The following INTU variants were observed in gnomAD, a reference collection of about 807,000 sequenced individuals.
The protein encoded by INTU is inturned planar cell polarity protein.
Under a neutral mutation model 100.5 loss-of-function variants are expected in INTU, and 68 were observed. The observed-to-expected ratio is 0.68, with a 90% CI of 0.56 to 0.83. The LOEUF is 0.83. INTU is among the 40% of genes least tolerant of loss of function. The pLI, the probability that INTU is intolerant of heterozygous loss-of-function variation, is 0.00. For missense variants in INTU, 1,071 were observed against 1,114.7 expected (o/e 0.96, Z 0.56); for synonymous variants, 357 against 395.7 (o/e 0.90, Z 1.16).
intron 3 of INTU, among the ~76,000 whole-genome samples, chr4:127,661,360 C>G (rs558955517): frequency 5.3e-5 from 8 of 152,088 alleles, no homozygotes; most frequent in African/African-American, 1.9e-4. Context: ...AAAAATTTCC[C>G]TTTTTTTATT....
intron 8 of INTU, among the ~76,000 whole-genome samples, chr4:127,688,971 C>CTTTTTTTTTTTTTTTTTTTTTT (rs763570146): frequency 2.3e-5 from 2 of 88,020 alleles, no homozygotes; most frequent in Non-Finnish European, 4.8e-5. Context: ...TTCTTTCTTT[C>CTTTTTTTTTTTTTTTTTTTTTT]TTTTTTTTTT....
chr4:127,685,554 A>G (rs551548421), intron 7 of INTU: 2 of 444,056 alleles, frequency 4.5e-6, no homozygotes, highest in African/African-American at 4.0e-5. Flanking sequence ...ATTGCTTACC[A>G]ACATTTTCCA....
intron 15 of INTU, among the ~76,000 whole-genome samples, chr4:127,714,646 C>T (rs537086930): frequency 5.3e-5 from 8 of 152,128 alleles, no homozygotes; most frequent in African/African-American, 1.9e-4. Flanking sequence ...TTGTCAGAGA[C>T]GATCCATTAT....
In INTU at chr4:127,656,641, G is replaced by A. The variant is rs369166911; in HGVS notation, c.688G>A (p.Val230Ile). ...TATTGTTATTCTGGTTTCAGGTGAT[G>A]TCCTTGTTGCTGTGAATGATGTCGA... ...MKSGQVLIGD[V>I]LVAVNDVDVT... The change falls in exon 3 of 16, where the codon GTC becomes ATC. Residue 230 changes from valine (V) to isoleucine (I), a missense_variant. Coordinates refer to ENST00000335251, the MANE Select transcript of INTU (RefSeq NM_015693.4). 11 of 1,607,292 alleles carry A rather than the reference G, an allele frequency of 6.8e-6. No individual in the cohort carries two copies. The highest frequency in any genetic ancestry group is 1.3e-5 in the African/African-American group (1 of 74,844).
At chr4:127,682,268 G>A (rs1729603973) in intron 6 of INTU, among the ~76,000 whole-genome samples, 1 of 151,914 alleles carries the variant, frequency 6.6e-6, no homozygotes, top group Non-Finnish European at 1.5e-5. Context: ...ATGCCCAAAG[G>A]ACTATAAATC....
At position 127,633,121 on chromosome 4, in the gene INTU, T is replaced by C; in HGVS notation, c.87T>C (p.Tyr29=). The C allele has an allele frequency of 6.2e-7, 1 of 1,614,122 alleles. No homozygotes were observed. Among genetic ancestry groups the C allele is most frequent in the African/African-American group, 1.3e-5 (1 of 75,052 alleles). Residue 29 remains tyrosine, a synonymous_variant, in exon 1 of 16, where the codon TAT becomes TAC. Transcript: ENST00000335251. The stretch of plus-strand genomic sequence containing the variant: ...CTTCACAAGAAGAAGATGAGGACTA[T>C]GATTTTGAAGATCGGGTCAGCGACT... ...DPSSQEEDED[Y]DFEDRVSDSG... is the part of the protein sequence containing the mutation.
At chr4:127,668,222 T>G (rs918132582) in intron 4 of INTU, among the ~76,000 whole-genome samples, 1 of 152,056 alleles carries the variant, frequency 6.6e-6, no homozygotes, top group East Asian at 1.9e-4. Context: ...TCTCTTTGTA[T>G]GAAAGTATTA....
intron 3 of INTU, among the ~76,000 whole-genome samples, chr4:127,662,948 GAAGTCAC>G (rs1372172072): frequency 9.2e-5 from 14 of 152,148 alleles, no homozygotes; most frequent in Admixed American, 9.2e-4. Context: ...TTGGTTGTGT[GAAGTCAC>G]TCTTAATGCT....
intron 1 of INTU, among the ~76,000 whole-genome samples, chr4:127,635,253 T>C (rs371817043): frequency 6.6e-6 from 1 of 152,138 alleles, no homozygotes; most frequent in East Asian, 1.9e-4. Flanking sequence ...TGTTAGAGAA[T>C]AAGAGTTTAT....
chr4:127,637,719 T>C (rs1727133478), intron 1 of INTU, among the ~76,000 whole-genome samples: 1 of 152,188 alleles, frequency 6.6e-6, no homozygotes, highest in Admixed American at 6.6e-5. Flanking sequence ...TAAAGTCCTA[T>C]CAGAAAATGT....
At chr4:127,708,057 C>A (rs1310147497) in intron 12 of INTU, among the ~76,000 whole-genome samples, 1 of 152,156 alleles carries the variant, frequency 6.6e-6, no homozygotes, top group Non-Finnish European at 1.5e-5. Flanking sequence ...GAAGTACTTA[C>A]ATCAGTACCA....
At chr4:127,654,810 C>A (rs1158054276) in intron 2 of INTU, among the ~76,000 whole-genome samples, 1 of 146,430 alleles carries the variant, frequency 6.8e-6, no homozygotes, top group Non-Finnish European at 1.5e-5. Context: ...TAATATCCTG[C>A]AGAGTGTTTT....
chr4:127,654,822 C>T (rs1382353237), intron 2 of INTU, among the ~76,000 whole-genome samples: 2 of 145,980 alleles, frequency 1.4e-5, no homozygotes, highest in East Asian at 3.9e-4. Context: ...GAGTGTTTTC[C>T]AACTTGGTTC....
intron 5 of INTU, among the ~76,000 whole-genome samples, chr4:127,669,510 T>C (rs1728830882): frequency 6.6e-6 from 1 of 151,850 alleles, no homozygotes; most frequent in African/African-American, 2.4e-5. Context: ...AGCATGGCAT[T>C]ATTATGAATC....
chr4:127,705,843 T>C (rs1730858253), intron 11 of INTU, 31 bp downstream of exon 11: 1 of 1,547,468 alleles, frequency 6.5e-7, no homozygotes, highest in Admixed American at 1.8e-5. Flanking sequence ...TTCTTAGGAT[T>C]TTTCTTCTTT....
intron 9 of INTU, among the ~76,000 whole-genome samples, chr4:127,702,655 T>A (rs1730699091): frequency 2.0e-5 from 3 of 152,158 alleles, no homozygotes; most frequent in Non-Finnish European, 4.4e-5. Context: ...AAAATAAGGA[T>A]CTATTCTACA....
At chr4:127,698,762 A>G (rs1344086635) in intron 8 of INTU, among the ~76,000 whole-genome samples, 2 of 152,192 alleles carry the variant, frequency 1.3e-5, no homozygotes, top group Admixed American at 1.3e-4. Context: ...AAACATATAT[A>G]TTAATCTTGT....
intron 2 of INTU, among the ~76,000 whole-genome samples, chr4:127,651,901 G>C (rs1434168405): frequency 3.3e-5 from 5 of 151,036 alleles, no homozygotes; most frequent in Non-Finnish European, 5.9e-5. Flanking sequence ...TCCTTGAGCA[G>C]TGGTTTGTAG....
chr4:127,706,426 A>G (rs1730879810), intron 11 of INTU, 61 bp from the exon 12 acceptor site: 2 of 1,403,182 alleles, frequency 1.4e-6, no homozygotes, highest in East Asian at 4.6e-5. Flanking sequence ...TTATACATGC[A>G]CATTTTATGT....
Sources: gnomAD v4.1 joint callset for allele counts (sites outside exome capture counted in the v4.1 genomes callset) on GRCh38, gnomAD v4.1.1 for gene constraint, MANE v1.5 for transcripts, NCBI Gene and HGNC (gene_info 2026-07-23, HGNC 2026-07-21) for gene names.